ABCB1: variants seen among roughly 807,000 people sequenced by gnomAD.
ABCB1 encodes ATP binding cassette subfamily B member 1.
In ABCB1, 69 loss-of-function variants were observed where a neutral mutation model predicts 142.0. The ratio of observed to expected loss-of-function variants is 0.49; its 90% CI spans 0.40 to 0.59. The LOEUF (loss-of-function observed/expected upper bound fraction) is 0.59. Ranked by LOEUF, ABCB1 falls within the 20% of genes least tolerant of loss-of-function variation. ABCB1 has a pLI of 0.00. For missense variants in ABCB1, 1,326 were observed against 1,554.7 expected (o/e 0.85, Z 2.47); for synonymous variants, 532 against 539.2 (o/e 0.99, Z 0.18).
chr7:87,552,541 T>C (rs998452016), intron 9 of ABCB1, among the ~76,000 whole-genome samples: 2 of 151,982 alleles, frequency 1.3e-5, no homozygotes, highest in African/African-American at 2.4e-5. Flanking sequence ...GTGTGTGAAG[T>C]ATATTCATGC....
intron 1 of ABCB1, among the ~76,000 whole-genome samples, chr7:87,688,777 G>T (rs540809092): frequency 1.3e-5 from 2 of 151,702 alleles, no homozygotes; most frequent in Non-Finnish European, 2.9e-5. Context: ...TTGGTTACTT[G>T]CTTCTGTTTG....
intron 1 of ABCB1, among the ~76,000 whole-genome samples, chr7:87,665,106 A>G (rs923051859): frequency 3.3e-5 from 5 of 152,150 alleles, no homozygotes; most frequent in African/African-American, 4.8e-5. Flanking sequence ...TAGAGCAATT[A>G]TGCAAGAAAA....
At chr7:87,654,727 G>T (rs955850460) in intron 1 of ABCB1, among the ~76,000 whole-genome samples, 5 of 151,838 alleles carry the variant, frequency 3.3e-5, no homozygotes, top group African/African-American at 7.3e-5. Flanking sequence ...TAAACAAGTG[G>T]AATTACATCA....
chr7:87,591,715 T>C (rs1361620077), intron 3 of ABCB1, among the ~76,000 whole-genome samples: 1 of 151,968 alleles, frequency 6.6e-6, no homozygotes, highest in Non-Finnish European at 1.5e-5. Context: ...GGGGTGGGGG[T>C]ATACTTCGAG....
At chr7:87,545,807 T>C (rs2129674210) in intron 15 of ABCB1, 56 bp downstream of exon 15, 2 of 1,561,536 alleles carry the variant, frequency 1.3e-6, no homozygotes, top group Non-Finnish European at 8.8e-7. Flanking sequence ...TAGCATTAAA[T>C]GCAAAATCAG....
chr7:87,561,426 G>T (rs201805118), intron 7 of ABCB1, 39 bp from the exon 8 acceptor site: 70 of 1,563,328 alleles, frequency 4.5e-5, no homozygotes, highest in Non-Finnish European at 6.0e-5. Context: ...AAAAAAACAC[G>T]TTAATTTTAT....
intron 1 of ABCB1, among the ~76,000 whole-genome samples, chr7:87,679,875 A>T (rs2130581044): frequency 6.6e-6 from 1 of 150,866 alleles, no homozygotes; most frequent in Non-Finnish European, 1.5e-5. Flanking sequence ...AGATGTCAAG[A>T]ACAGAAGATA....
intron 4 of ABCB1, among the ~76,000 whole-genome samples, chr7:87,583,647 G>C (rs949159107): frequency 2.0e-5 from 3 of 152,154 alleles, no homozygotes; most frequent in Non-Finnish European, 2.9e-5. Context: ...ATCCAGAAAG[G>C]AGCTAGTCTT....
intron 1 of ABCB1, among the ~76,000 whole-genome samples, chr7:87,700,828 C>A (rs986986810): frequency 6.6e-6 from 1 of 152,124 alleles, no homozygotes; most frequent in Admixed American, 6.6e-5. Flanking sequence ...TGTTATTTGC[C>A]TTTTCGCTGT....
intron 22 of ABCB1, among the ~76,000 whole-genome samples, chr7:87,519,928 T>C (rs1815421659): frequency 6.6e-6 from 1 of 152,178 alleles, no homozygotes; most frequent in Non-Finnish European, 1.5e-5. Context: ...TGACTTGAGT[T>C]GAATTACTAT....
At chr7:87,522,454 C>G in intron 21 of ABCB1, 1 of 576,506 alleles carries the variant, frequency 1.7e-6, no homozygotes, top group Non-Finnish European at 3.3e-6. Context: ...GAGATAAGAG[C>G]CAGAGAAGTG....
chr7:87,540,692 C>T (rs535262989), intron 18 of ABCB1, among the ~76,000 whole-genome samples: 33 of 152,142 alleles, frequency 2.2e-4, no homozygotes, highest in Non-Finnish European at 4.1e-4. Flanking sequence ...TCAGGTGATC[C>T]ACTCACCTCG....
intron 1 of ABCB1, among the ~76,000 whole-genome samples, chr7:87,635,271 A>G (rs964462592): frequency 6.6e-6 from 1 of 152,184 alleles, no homozygotes; most frequent in Non-Finnish European, 1.5e-5. Context: ...CCAGTTGTAT[A>G]TTGGAAAGAT....
chr7:87,614,418 A>G (rs369899402), intron 1 of ABCB1, among the ~76,000 whole-genome samples: 13 of 152,228 alleles, frequency 8.5e-5, no homozygotes, highest in East Asian at 5.8e-4. Context: ...AAGGGAAAGA[A>G]AGAAAGAAGA....
intron 19 of ABCB1, among the ~76,000 whole-genome samples, chr7:87,537,504 G>C (rs28381950): frequency 3.3e-5 from 5 of 152,134 alleles, no homozygotes; most frequent in Non-Finnish European, 7.3e-5. Flanking sequence ...ATGGCTTCAA[G>C]GTTTTTAGCC....
chr7:87,515,248 G>T lies in ABCB1; in HGVS notation c.3265C>A (p.Pro1089Thr), dbSNP rs2117082894. 6.2e-7 allele frequency: 1 copy of T among 1,613,840 alleles called. No homozygotes were observed. Among genetic ancestry groups the T allele is most frequent in the Non-Finnish European group, 8.5e-7 (1 of 1,180,016 alleles). ...VVQLLERFYD[P>T]LAGKVLLDGK... Reference sequence around the variant, plus strand: ...GTGCTCACCACTTTCCCTGCCAAGGGGTCGTAGAACCGCTCCAGGAGCTGG... The same window carrying T: ...GTGCTCACCACTTTCCCTGCCAAGGTGTCGTAGAACCGCTCCAGGAGCTGG... Residue 1089 changes from proline (P) to threonine (T), a missense_variant, in exon 25 of 28, where the codon CCC becomes ACC. Physicochemically the swap from Pro to Thr is conservative, Grantham distance 38. Coordinates refer to ENST00000622132, the MANE Select transcript of ABCB1 (RefSeq NM_001348946.2).
At chr7:87,628,808 C>CG in intron 1 of ABCB1, 1 of 1,230,302 alleles carries the variant, frequency 8.1e-7, no homozygotes, top group Non-Finnish European at 1.0e-6. Context: ...AAAAGGGGCA[C>CG]GGGGGTAAGC....
At chr7:87,506,201 G>A (rs2117059117) in intron 26 of ABCB1, 158 bp from the exon 27 acceptor site, 2 of 694,230 alleles carry the variant, frequency 2.9e-6, no homozygotes, top group East Asian at 2.7e-5. Flanking sequence ...CAGTAAAAAA[G>A]CCCAAAATGG....
At chr7:87,672,637 T>C (rs1290392255) in intron 1 of ABCB1, among the ~76,000 whole-genome samples, 5 of 152,222 alleles carry the variant, frequency 3.3e-5, no homozygotes, top group African/African-American at 1.2e-4. Context: ...CATGCATGTC[T>C]GAGCAGCATC....
Sources: allele counts gnomAD v4.1 joint callset (sites outside exome capture counted in the v4.1 genomes callset), GRCh38; gene constraint gnomAD v4.1.1; transcripts MANE v1.5; gene names NCBI Gene and HGNC (gene_info 2026-07-23, HGNC 2026-07-21).